Variants in FRMD7 observed in about 807,000 individuals in gnomAD.
FRMD7 encodes FERM domain-containing protein 7.
A neutral mutation model predicts 44.1 loss-of-function variants in FRMD7; 14 were observed. The observed-to-expected ratio is 0.32, with a 90% confidence interval of 0.21 to 0.50. The LOEUF is 0.50. FRMD7 is among the 20% of genes least tolerant of loss of function. The pLI is 0.99. For synonymous variants in FRMD7, 212 were observed against 187.4 expected, an observed-to-expected ratio of 1.13 and a Z score of -1.07; for missense variants, 501 against 522.3, an observed-to-expected ratio of 0.96 and a Z score of 0.40.
intron 1 of FRMD7, among the ~76,000 whole-genome samples, chrX:132,107,808 A>G (rs946491148): frequency 9.0e-6 from 1 of 111,465 alleles, no homozygotes; most frequent in African/African-American, 3.3e-5. Context: ...TATAGCAATG[A>G]CCCAGCTTGA....
At chrX:132,100,139 CTTG>C (rs749325725) in intron 2 of FRMD7, among the ~76,000 whole-genome samples, 16 of 111,380 alleles carry the variant, frequency 1.4e-4, no homozygotes, top group Admixed American at 8.6e-4. Flanking sequence ...ATTGAGGTGA[CTTG>C]TTGTTTTGAA....
rs1927656824 is a variant in FRMD7, at chrX:132,077,893, T to C, written c.2124A>G (p.Pro708=). The C allele has an allele frequency of 1.7e-6, 2 of 1,209,550 alleles. No individual in the cohort carries two copies. The highest frequency in any genetic ancestry group is 2.2e-6 in the Non-Finnish European group (2 of 893,329). ...PTAEDRTSLK[P]CNYFLA is the part of the protein sequence containing the mutation. ...ACTTTTAAGCTAAAAAGTAATTACA[T>C]GGTTTTAGTGAAGTCCTGTCTTCAG... The change falls in exon 12 of 12, where the codon CCA becomes CCG. Residue 708 remains proline, a synonymous_variant. Transcript: ENST00000298542.
In FRMD7 at chrX:132,080,020, C is replaced by G. The variant is rs1323286236; in HGVS notation, c.1036G>C (p.Asp346His). The G allele has an allele frequency of 8.4e-7, 1 of 1,187,897 alleles. No individual in the cohort carries two copies. Among genetic ancestry groups the G allele is most frequent in the Non-Finnish European group, 1.1e-6 (1 of 873,863 alleles). The change falls in exon 11 of 12, where the codon GAT becomes CAT. Residue 346 changes from aspartate to histidine, a missense_variant. This residue lies in a region of FRMD7 where 453 missense variants were observed against 452.7 expected (regional missense o/e 1.00). Coordinates refer to ENST00000298542, the MANE Select transcript of FRMD7 (RefSeq NM_194277.3). The part of the protein sequence containing the change: ...QCRSSPDLLS[D>H]VSKQVEDLRL... Reference sequence around the variant, plus strand: ...AGAAACCTTACTTGTTTTGACACATCAGAGAGGAGGTCTGGTGAGGACCTG... The same window carrying G: ...AGAAACCTTACTTGTTTTGACACATGAGAGAGGAGGTCTGGTGAGGACCTG...
chrX:132,089,645 T>C (rs1928105895), intron 5 of FRMD7, among the ~76,000 whole-genome samples: 2 of 111,975 alleles, frequency 1.8e-5, no homozygotes, highest in Admixed American at 1.9e-4. Context: ...TAAAACTCAA[T>C]AATAATATAA....
At chrX:132,093,563 C>T (rs970942275) in intron 5 of FRMD7, among the ~76,000 whole-genome samples, 2 of 112,665 alleles carry the variant, frequency 1.8e-5, no homozygotes, top group African/African-American at 3.2e-5. Context: ...ATGCCTGGGG[C>T]TTTTTTCCCT....
At chrX:132,102,867 T>A (rs1928540420) in intron 1 of FRMD7, among the ~76,000 whole-genome samples, 1 of 112,370 alleles carries the variant, frequency 8.9e-6, no homozygotes. Context: ...TTTGTATATT[T>A]ACATGTTTCT....
At chrX:132,119,663 G>A (rs1928986551) in intron 1 of FRMD7, among the ~76,000 whole-genome samples, 1 of 111,452 alleles carries the variant, frequency 9.0e-6, no homozygotes, top group Non-Finnish European at 1.9e-5. Context: ...GATGATGTGG[G>A]GGTAATAATT....
chrX:132,093,466 T>C (rs1928239824), intron 5 of FRMD7, among the ~76,000 whole-genome samples: 1 of 112,524 alleles, frequency 8.9e-6, no homozygotes, highest in Non-Finnish European at 1.9e-5. Context: ...AGGCCCCTGC[T>C]GTTCCCCAGA....
chrX:132,097,571 A>G (rs1330743442), intron 3 of FRMD7, among the ~76,000 whole-genome samples: 1 of 110,288 alleles, frequency 9.1e-6, no homozygotes, highest in Non-Finnish European at 1.9e-5. Flanking sequence ...AAGTTCTCCC[A>G]CCCCTCTTTC....
At chrX:132,112,389 A>G (rs1476873968) in intron 1 of FRMD7, among the ~76,000 whole-genome samples, 1 of 111,007 alleles carries the variant, frequency 9.0e-6, no homozygotes, top group Admixed American at 9.6e-5. Context: ...AAGAACAAAG[A>G]ATAAGTAGGA....
chrX:132,078,596 G>A lies in FRMD7; in HGVS notation c.1421C>T (p.Thr474Ile). ...TSKVRPAKQL[T>I]YTDVPYIPCT... ...AGGAATATAGGGCACATCCGTGTAA[G>A]TTAGCTGCTTTGCTGGACGCACTTT... The change falls in exon 12 of 12, where the codon ACT becomes ATT. Residue 474 changes from threonine (T) to isoleucine (I), a missense_variant. Thr to Ile is a moderately conservative substitution (Grantham distance 89, BLOSUM62 -1). Transcript: ENST00000298542. The A allele has an allele frequency of 8.3e-7, 1 of 1,211,453 alleles. No individual in the cohort carries two copies. Among genetic ancestry groups the A allele is most frequent in the South Asian group, 1.8e-5 (1 of 56,996 alleles).
At chrX:132,103,509 T>TATC (rs766729121) in intron 1 of FRMD7, among the ~76,000 whole-genome samples, 73 of 109,106 alleles carry the variant, frequency 6.7e-4, no homozygotes, top group Non-Finnish European at 1.1e-3. Context: ...TCTATCTATC[T>TATC]ATCTATCTAT....
chrX:132,079,101 A>G, intron 11 of FRMD7, 135 bp from the exon 12 acceptor site: 1 of 555,305 alleles, frequency 1.8e-6, no homozygotes, highest in Non-Finnish European at 3.1e-6. Context: ...GTTCTATTCT[A>G]GGGTAGATAA....
rs182978390 is a variant in FRMD7, at chrX:132,090,631, C to T, written c.382+3411G>A. 5.6e-3 allele frequency among the ~76,000 whole-genome samples: 624 copies of T among 110,970 alleles called. 7 individuals carry two copies. Among genetic ancestry groups the T allele is most frequent in the Non-Finnish European group, 9.8e-3 (517 of 53,019 alleles). On this transcript the variant is annotated intron_variant, in intron 5 of 11. Transcript: ENST00000298542. Reference sequence around the variant, plus strand: ...ATGGAAATGTTTTAAAACTGGATTGCGGTAATGCTTGCACAACTCTGTAAA... The same window carrying T: ...ATGGAAATGTTTTAAAACTGGATTGTGGTAATGCTTGCACAACTCTGTAAA...
At chrX:132,096,758 T>A (rs149784671) in intron 4 of FRMD7, among the ~76,000 whole-genome samples, 7 of 105,818 alleles carry the variant, frequency 6.6e-5, no homozygotes, top group Non-Finnish European at 1.4e-4. Flanking sequence ...GAAAGTAGAG[T>A]AAGGTTTTGA....
At chrX:132,094,556 G>T (rs1928274046) in intron 4 of FRMD7, among the ~76,000 whole-genome samples, 1 of 112,106 alleles carries the variant, frequency 8.9e-6, no homozygotes, top group Non-Finnish European at 1.9e-5. Context: ...TAACAACTTA[G>T]GAGGTTGGTG....
chrX:132,122,394 A>G (rs374513088), intron 1 of FRMD7, among the ~76,000 whole-genome samples: 1 of 111,739 alleles, frequency 8.9e-6, no homozygotes, highest in South Asian at 3.8e-4. Context: ...CCATAATCCC[A>G]TCTATAAATC....
intron 8 of FRMD7, among the ~76,000 whole-genome samples, chrX:132,083,307 T>C (rs1457164574): frequency 8.9e-6 from 1 of 111,952 alleles, no homozygotes; most frequent in African/African-American, 3.2e-5. Context: ...CTATAGGTTG[T>C]CTTGTACAAT....
rs752072713 is a variant in FRMD7, at chrX:132,088,153, T to G, written c.383-2119A>C. ...CATCTATTCAACATTGTACTGATGGTTCTAGTCAGTGCAGTCAGGCAAGAA... is the reference window on the plus strand; with the variant it reads ...CATCTATTCAACATTGTACTGATGGGTCTAGTCAGTGCAGTCAGGCAAGAA... On this transcript the variant is annotated intron_variant, in intron 5 of 11. Transcript: ENST00000298542. Among the ~76,000 whole-genome samples, 7 of 112,356 alleles carry G rather than the reference T, an allele frequency of 6.2e-5. No individual in the cohort carries two copies. In the South Asian group the frequency reaches 2.6e-3, roughly 41 times the overall value.
Sources: gnomAD v4.1 joint callset for allele counts (sites outside exome capture counted in the v4.1 genomes callset) on GRCh38, gnomAD v4.1.1 for gene constraint, gnomAD v4.1.1 regional missense constraint, MANE v1.5 for transcripts, NCBI Gene and HGNC (gene_info 2026-07-23, HGNC 2026-07-21) for gene names.